DOCK3: variants seen among roughly 807,000 people sequenced by gnomAD.
DOCK3 encodes the protein dedicator of cytokinesis 3.
A neutral mutation model predicts 265.6 loss-of-function variants in DOCK3; 60 were observed. That is an observed-to-expected ratio of 0.23 (90% confidence interval 0.18 to 0.28). The LOEUF (loss-of-function observed/expected upper bound fraction) is 0.28. Among genes scored for constraint, DOCK3 ranks in the 10% least tolerant of loss-of-function variants. The pLI is 1.00. For missense variants in DOCK3, 1,981 were observed against 2,594.3 expected, an observed-to-expected ratio of 0.76 and a Z score of 5.14; for synonymous variants, 881 against 938.0, an observed-to-expected ratio of 0.94 and a Z score of 1.11.
At chr3:50,937,276 TAAAAAAAAAA>T (rs60209788) in intron 5 of DOCK3, among the ~76,000 whole-genome samples, 1 of 110,722 alleles carries the variant, frequency 9.0e-6, no homozygotes, top group East Asian at 2.6e-4. Context: ...AAACTCCATC[TAAAAAAAAAA>T]AAAAAAAAAA....
At chr3:50,691,475 C>T (rs1383398912) in intron 1 of DOCK3, among the ~76,000 whole-genome samples, 1 of 152,124 alleles carries the variant, frequency 6.6e-6, no homozygotes, top group African/African-American at 2.4e-5. Flanking sequence ...CTGATGGACA[C>T]TTGGGTTGTT....
chr3:51,357,697 G>A, intron 44 of DOCK3, 61 bp from the exon 45 acceptor site: 1 of 1,568,522 alleles, frequency 6.4e-7, no homozygotes, highest in Non-Finnish European at 8.8e-7. Flanking sequence ...CAAGTCTCCT[G>A]GGCCCCACTT....
intron 5 of DOCK3, among the ~76,000 whole-genome samples, chr3:51,045,601 T>C (rs1336759120): frequency 1.3e-5 from 2 of 152,284 alleles, no homozygotes; most frequent in African/African-American, 4.8e-5. Flanking sequence ...TGAAGCTCAA[T>C]AAAGTGAAAT....
At chr3:51,104,768 C>T (rs1190426104) in intron 9 of DOCK3, among the ~76,000 whole-genome samples, 2 of 152,046 alleles carry the variant, frequency 1.3e-5, no homozygotes, top group Non-Finnish European at 2.9e-5. Context: ...GAGGATTTCC[C>T]ATTACTTTTT....
intron 3 of DOCK3, among the ~76,000 whole-genome samples, chr3:50,852,728 AT>A (rs1032336003): frequency 1.3e-5 from 2 of 151,600 alleles, no homozygotes; most frequent in African/African-American, 2.4e-5. Flanking sequence ...TAACTTTCTG[AT>A]TTTTTTGTGT....
chr3:51,083,061 G>C (rs923940688), intron 7 of DOCK3, among the ~76,000 whole-genome samples: 92 of 152,080 alleles, frequency 6.0e-4, no homozygotes, highest in African/African-American at 2.2e-3. Context: ...TCCACCATGG[G>C]GTCCCACATA....
intron 12 of DOCK3, among the ~76,000 whole-genome samples, chr3:51,199,900 C>T (rs896158200): frequency 3.9e-4 from 59 of 152,276 alleles, no homozygotes; most frequent in African/African-American, 1.1e-3. Flanking sequence ...CTGCAGACAC[C>T]GCTGCTGATA....
chr3:51,063,152 G>A (rs989963888), intron 5 of DOCK3, among the ~76,000 whole-genome samples: 1 of 152,086 alleles, frequency 6.6e-6, no homozygotes, highest in Non-Finnish European at 1.5e-5. Context: ...GGGGGCTGAA[G>A]CAAGAGGATT....
intron 1 of DOCK3, among the ~76,000 whole-genome samples, chr3:50,712,118 A>G (rs1182630385): frequency 1.3e-5 from 2 of 152,162 alleles, no homozygotes; most frequent in East Asian, 1.9e-4. Context: ...TCAAAAAACC[A>G]ACTTTCAGTT....
chr3:51,080,144 C>T (rs941117265), intron 7 of DOCK3, among the ~76,000 whole-genome samples: 2 of 152,124 alleles, frequency 1.3e-5, no homozygotes, highest in African/African-American at 2.4e-5. Flanking sequence ...AACACAATCC[C>T]CAACCTATAT....
At chr3:51,018,291 T>G (rs2079439298) in intron 5 of DOCK3, among the ~76,000 whole-genome samples, 1 of 151,742 alleles carries the variant, frequency 6.6e-6, no homozygotes, top group Non-Finnish European at 1.5e-5. Context: ...AATTTTGTTT[T>G]TTTCCTAATG....
chr3:51,052,360 C>G (rs577875345), intron 5 of DOCK3, among the ~76,000 whole-genome samples: 1 of 152,172 alleles, frequency 6.6e-6, no homozygotes, highest in South Asian at 2.1e-4. Flanking sequence ...AAAAAATTAG[C>G]TGGGCATGGT....
chr3:50,968,838 C>T (rs140605525), intron 5 of DOCK3, among the ~76,000 whole-genome samples: 1 of 152,334 alleles, frequency 6.6e-6, no homozygotes, highest in Admixed American at 6.5e-5. Context: ...GCGTGAGCCA[C>T]TGTGCCCAGC....
At chr3:50,788,760 A>G (rs924085444) in intron 2 of DOCK3, among the ~76,000 whole-genome samples, 3 of 103,470 alleles carry the variant, frequency 2.9e-5, no homozygotes, top group African/African-American at 1.1e-4. Context: ...CCTGAGGGCA[A>G]GGAGGGTGGC....
At chr3:50,777,252 CT>C (rs2041659061) in intron 1 of DOCK3, among the ~76,000 whole-genome samples, 1 of 151,976 alleles carries the variant, frequency 6.6e-6, no homozygotes, top group Non-Finnish European at 1.5e-5. Flanking sequence ...TACCATTTGG[CT>C]TTATTTCTGG....
intron 5 of DOCK3, among the ~76,000 whole-genome samples, chr3:51,036,380 T>G (rs1204580674): frequency 6.6e-6 from 1 of 152,164 alleles, no homozygotes; most frequent in African/African-American, 2.4e-5. Flanking sequence ...TTCATAAAAT[T>G]TATCTTTCCT....
intron 27 of DOCK3, among the ~76,000 whole-genome samples, chr3:51,308,105 A>G (rs1447837307): frequency 6.6e-6 from 1 of 151,994 alleles, no homozygotes; most frequent in African/African-American, 2.4e-5. Context: ...TCTGGTTTTC[A>G]TGACTTTCAT....
At chr3:51,101,779 C>G (rs1273235706) in intron 9 of DOCK3, among the ~76,000 whole-genome samples, 1 of 152,138 alleles carries the variant, frequency 6.6e-6, no homozygotes, top group African/African-American at 2.4e-5. Context: ...CAGCTGAATT[C>G]AGATTAAGGC....
At chr3:50,888,739 T>A (rs1007179239) in intron 3 of DOCK3, among the ~76,000 whole-genome samples, 3 of 152,026 alleles carry the variant, frequency 2.0e-5, no homozygotes, top group Admixed American at 6.6e-5. Flanking sequence ...TTGACAAACC[T>A]GAGAAAAACA....
Sources: allele counts gnomAD v4.1 joint callset (sites outside exome capture counted in the v4.1 genomes callset), GRCh38; gene constraint gnomAD v4.1.1; transcripts MANE v1.5; gene names NCBI Gene and HGNC (gene_info 2026-07-23, HGNC 2026-07-21).